TEK: variants seen among roughly 807,000 people sequenced by gnomAD.
The protein encoded by TEK is TEK receptor tyrosine kinase.
A neutral mutation model predicts 131.8 loss-of-function variants in TEK; 43 were observed. The observed-to-expected ratio is 0.33, with a 90% CI of 0.26 to 0.42. The LOEUF (loss-of-function observed/expected upper bound fraction) is 0.42, where lower values mean the gene tolerates loss of function less well. Ranked by LOEUF, TEK falls within the 10% of genes least tolerant of loss-of-function variation. TEK has a pLI of 1.00. For synonymous variants in TEK, 580 were observed against 491.6 expected (o/e 1.18, Z -2.38); for missense variants, 1,162 against 1,384.4 (o/e 0.84, Z 2.55).
intron 1 of TEK, among the ~76,000 whole-genome samples, chr9:27,118,442 C>T (rs1003052400): frequency 6.6e-6 from 1 of 152,008 alleles, no homozygotes; most frequent in East Asian, 1.9e-4. Flanking sequence ...CGAGACCATC[C>T]TGGGCAATAT....
intron 1 of TEK, among the ~76,000 whole-genome samples, chr9:27,128,888 G>A (rs1254296500): frequency 6.6e-6 from 1 of 152,150 alleles, no homozygotes; most frequent in Non-Finnish European, 1.5e-5. Flanking sequence ...CTGAGATGAT[G>A]GGGTTTTCTA....
chr9:27,218,939 T>TGGAAATAGAAACATAGTGTATTAA (rs1825933011), intron 20 of TEK, 122 bp downstream of exon 20: 1 of 997,314 alleles, frequency 1.0e-6, no homozygotes, highest in African/African-American at 1.6e-5. Flanking sequence ...AGATGTGACT[T>TGGAAATAGAAACATAGTGTATTAA]GGAAATAGAA....
At chr9:27,127,401 GTCTTTGCTATCGTGA>G (rs1292336626) in intron 1 of TEK, among the ~76,000 whole-genome samples, 1 of 152,208 alleles carries the variant, frequency 6.6e-6, no homozygotes, top group Non-Finnish European at 1.5e-5. Flanking sequence ...TTGGTTCCAA[GTCTTTGCTATCGTGA>G]ATAGTGCCAC....
chr9:27,136,113 G>A (rs1009856191), intron 1 of TEK, among the ~76,000 whole-genome samples: 3 of 143,878 alleles, frequency 2.1e-5, no homozygotes, highest in East Asian at 3.9e-4. Flanking sequence ...ATGGAGTCTC[G>A]CTCTGTCACT....
chr9:27,155,130 CT>C (rs1823283720), intron 1 of TEK, among the ~76,000 whole-genome samples: 1 of 152,128 alleles, frequency 6.6e-6, no homozygotes. Flanking sequence ...CTTGATGACT[CT>C]TTCTGGAACA....
rs556343681 is a variant in TEK, at chr9:27,177,525, C to T, written c.902-2715C>T. ...CAGCACTTTGGGAGGCCAAGGCGGG[C>T]GGATCACCTGAGGTTGGGAGTTCGA... is the stretch of plus-strand genomic sequence containing the variant. On this transcript the variant is annotated intron_variant, in intron 6 of 22. Coordinates refer to ENST00000380036, the MANE Select transcript of TEK (RefSeq NM_000459.5). 1.1e-4 allele frequency among the ~76,000 whole-genome samples: 17 copies of T among 152,252 alleles called. 1 individual carries two copies. The highest frequency in any genetic ancestry group is 3.9e-4 in the East Asian group (2 of 5,166).
At chr9:27,135,617 T>C (rs1356646925) in intron 1 of TEK, among the ~76,000 whole-genome samples, 1 of 152,202 alleles carries the variant, frequency 6.6e-6, no homozygotes, top group African/African-American at 2.4e-5. Context: ...AGGGAAATGC[T>C]TAGAAATAAG....
intron 10 of TEK, chr9:27,191,953 C>G (rs1332806941): frequency 2.2e-6 from 1 of 455,638 alleles, no homozygotes; most frequent in Non-Finnish European, 4.4e-6. Context: ...CAGAGGCTGA[C>G]TAAAGCAAAT....
chr9:27,219,942 T>C (rs545803939), intron 20 of TEK, 107 bp from the exon 21 acceptor site: 16 of 1,165,152 alleles, frequency 1.4e-5, no homozygotes, highest in Non-Finnish European at 2.1e-5. Flanking sequence ...TCACCCTCTC[T>C]TGCCATACCA....
At chr9:27,189,320 C>G (rs978684821) in intron 9 of TEK, among the ~76,000 whole-genome samples, 9 of 152,090 alleles carry the variant, frequency 5.9e-5, no homozygotes, top group Admixed American at 3.9e-4. Context: ...CTAAGGAGCT[C>G]TTTTAGAAAT....
Position 27,190,451 on chromosome 9 carries a change from T to C in TEK, c.1328-78T>C. 11 of 1,569,740 alleles carry C rather than the reference T, an allele frequency of 7.0e-6. No individual in the cohort carries two copies. In the Middle Eastern group the frequency reaches 6.8e-4, roughly 97 times the overall value. Reference sequence around the variant, plus strand: ...AGGACTTTGTTGGACATGTAAAACATATCTTCTACCTCTACCTAAGAACAA... The same window carrying C: ...AGGACTTTGTTGGACATGTAAAACACATCTTCTACCTCTACCTAAGAACAA... On this transcript the variant is annotated intron_variant, in intron 9 of 22. Coordinates refer to ENST00000380036, the MANE Select transcript of TEK (RefSeq NM_000459.5).
chr9:27,210,508 T>G (rs1452433306), intron 16 of TEK: 1 of 178,126 alleles, frequency 5.6e-6, no homozygotes, highest in Non-Finnish European at 1.2e-5. Flanking sequence ...AAGAAGACTG[T>G]GCTGAGGCTT....
intron 8 of TEK, 117 bp from the exon 9 acceptor site, chr9:27,185,368 G>C (rs907494688): frequency 5.5e-6 from 7 of 1,269,836 alleles, no homozygotes; most frequent in African/African-American, 4.4e-5. Flanking sequence ...ATTACATTTA[G>C]CTTCTTGATC....
intron 1 of TEK, among the ~76,000 whole-genome samples, chr9:27,128,438 T>G (rs537578221): frequency 6.6e-6 from 1 of 152,292 alleles, no homozygotes; most frequent in East Asian, 1.9e-4. Context: ...TCTTTTTGCT[T>G]AGGATTGTCT....
intron 11 of TEK, 123 bp downstream of exon 11, chr9:27,192,746 G>A (rs1824870532): frequency 2.1e-6 from 2 of 960,396 alleles, no homozygotes; most frequent in African/African-American, 1.6e-5. Context: ...GAGGTGGCAG[G>A]AGTTCGCTTT....
rs10967720 is a variant in TEK, at chr9:27,111,774, G to A, written c.52+2132G>A. ...ACCAGGCTGTTCTCTTTAAAAAGTTGTATATGTAGAAAACTAACAAAAAAA... is the reference window on the plus strand; with the variant it reads ...ACCAGGCTGTTCTCTTTAAAAAGTTATATATGTAGAAAACTAACAAAAAAA... On this transcript the variant is annotated intron_variant, in intron 1 of 22. Coordinates refer to ENST00000380036, the MANE Select transcript of TEK (RefSeq NM_000459.5). 7.6e-3 allele frequency among the ~76,000 whole-genome samples: 1,159 copies of A among 152,014 alleles called. 19 individuals carry two copies. Among genetic ancestry groups the A allele is most frequent in the African/African-American group, 0.027 (1,124 of 41,460 alleles).
intron 12 of TEK, among the ~76,000 whole-genome samples, chr9:27,199,061 A>C (rs1825125552): frequency 6.6e-6 from 1 of 152,176 alleles, no homozygotes; most frequent in Non-Finnish European, 1.5e-5. Context: ...TCGCCTCCCA[A>C]AGTGCTGGAA....
intron 21 of TEK, among the ~76,000 whole-genome samples, chr9:27,221,097 G>T (rs915123341): frequency 2.6e-5 from 4 of 152,206 alleles, no homozygotes; most frequent in African/African-American, 9.6e-5. Context: ...AGAGGCATCT[G>T]CCATTACTGA....
Position 27,172,887 on chromosome 9 carries a change from A to G in TEK, c.760+140A>G, listed in dbSNP as rs563907170. On this transcript the variant is annotated intron_variant, in intron 5 of 22. Coordinates refer to ENST00000380036, the MANE Select transcript of TEK (RefSeq NM_000459.5). The stretch of plus-strand genomic sequence containing the variant: ...CAGATGGTACCTGTGTGTGAATTAG[A>G]AAAAGGTGCCTTTTCCTAAAGGTTC... 9 of 1,201,292 alleles carry G rather than the reference A, an allele frequency of 7.5e-6. No homozygotes were observed. In the Admixed American group the frequency reaches 8.5e-5, roughly 11 times the overall value. The allele number at this position is 1,201,292 out of a possible 1,614,324, so 74.4% of individuals were successfully genotyped here.
Sources: gnomAD v4.1 joint callset for allele counts (sites outside exome capture counted in the v4.1 genomes callset) on GRCh38, gnomAD v4.1.1 for gene constraint, MANE v1.5 for transcripts, NCBI Gene and HGNC (gene_info 2026-07-23, HGNC 2026-07-21) for gene names.